The following STRN variants were observed in gnomAD, a reference collection of about 807,000 sequenced individuals.
The protein encoded by STRN is striatin.
In STRN, 53 loss-of-function variants were observed where a neutral mutation model predicts 96.3. The ratio of observed to expected loss-of-function variants is 0.55; its 90% confidence interval spans 0.44 to 0.69. The LOEUF is 0.69. STRN is among the 30% of genes least tolerant of loss of function. The pLI is 0.00. For synonymous variants in STRN, 428 were observed against 355.9 expected, an observed-to-expected ratio of 1.20 and a Z score of -2.28; for missense variants, 987 against 963.9, an observed-to-expected ratio of 1.02 and a Z score of -0.32.
chr2:36,893,241 A>G (rs1669447484), intron 7 of STRN, among the ~76,000 whole-genome samples: 1 of 152,174 alleles, frequency 6.6e-6, no homozygotes, highest in Non-Finnish European at 1.5e-5. Context: ...ATTTCTTTAT[A>G]TATGTTACAG....
In STRN at chr2:36,966,518, C is replaced by T. The variant is rs1665171009; in HGVS notation, c.-55G>A. On this transcript the variant is annotated 5_prime_UTR_variant, in exon 1 of 18. Transcript: ENST00000263918. Reference sequence around the variant, plus strand: ...CGGCGCCCAGCAGCGGAGGCAACAGCGGCGGCAAGCAGCGCCTCCTCCTCC... The same window carrying T: ...CGGCGCCCAGCAGCGGAGGCAACAGTGGCGGCAAGCAGCGCCTCCTCCTCC... 2 of 1,309,776 alleles carry T rather than the reference C, an allele frequency of 1.5e-6. No homozygotes were observed. Among genetic ancestry groups the T allele is most frequent in the South Asian group, 1.7e-5 (1 of 60,014 alleles). The allele number at this position is 1,309,776 out of a possible 1,614,324, so 81.1% of individuals were successfully genotyped here. A position where few individuals can be genotyped will look rare whatever the true frequency, so the allele number is the denominator to read the frequency against.
intron 7 of STRN, among the ~76,000 whole-genome samples, chr2:36,888,858 A>T (rs937807379): frequency 8.6e-5 from 13 of 151,852 alleles, no homozygotes; most frequent in African/African-American, 2.4e-4. Flanking sequence ...TTTTTAAAAA[A>T]TTTTTTGTAG....
At position 36,837,919 on chromosome 2, in the gene STRN, A is replaced by G. The variant is rs997790081; in HGVS notation, c.*11537T>C. The stretch of plus-strand genomic sequence containing the variant: ...AAAATTTAAAAATGTATATAAAAGT[A>G]TAACTACGAATATTTGTGGTAGGCA... On this transcript the variant is annotated 3_prime_UTR_variant, in exon 18 of 18. Transcript: ENST00000263918. Among the ~76,000 whole-genome samples, 1 of 152,254 alleles carries G rather than the reference A, an allele frequency of 6.6e-6. No individual in the cohort carries two copies. Among genetic ancestry groups the G allele is most frequent in the Non-Finnish European group, 1.5e-5 (1 of 68,048 alleles).
chr2:36,880,207 A>T (rs1414592866), intron 9 of STRN, among the ~76,000 whole-genome samples: 1 of 152,192 alleles, frequency 6.6e-6, no homozygotes, highest in Non-Finnish European at 1.5e-5. Flanking sequence ...ACCTCAAGCG[A>T]TCTCCCTGCC....
At chr2:36,867,954 T>C (rs2148147699) in intron 11 of STRN, 93 bp from the exon 12 acceptor site, 1 of 981,650 alleles carries the variant, frequency 1.0e-6, no homozygotes, top group Non-Finnish European at 1.5e-6. Context: ...AATACAAACA[T>C]TATGGGAATA....
At chr2:36,898,447 A>T (rs532081049) in intron 6 of STRN, among the ~76,000 whole-genome samples, 12 of 152,248 alleles carry the variant, frequency 7.9e-5, no homozygotes, top group Non-Finnish European at 8.8e-5. Context: ...ACTATTGAAT[A>T]GTCGTGATGG....
rs568653351 is a variant in STRN, at chr2:36,857,704, A to G, written c.1837+152T>C. 4 of 617,652 alleles carry G rather than the reference A, an allele frequency of 6.5e-6. No individual in the cohort carries two copies. The South Asian group carries it at 9.5e-5, about 15-fold the overall frequency. The allele number at this position is 617,652 out of a possible 1,614,324, so 38.3% of individuals were successfully genotyped here. A position where few individuals can be genotyped will look rare whatever the true frequency, so the allele number is the denominator to read the frequency against. ...AAAACAAAACAAAACAAAATTATATATAGGTTGGAAATTCAAACAAATACA... is the reference window on the plus strand; with the variant it reads ...AAAACAAAACAAAACAAAATTATATGTAGGTTGGAAATTCAAACAAATACA... On this transcript the variant is annotated intron_variant, in intron 14 of 17. Transcript: ENST00000263918.
intron 7 of STRN, 84 bp downstream of exon 7, chr2:36,893,814 T>C (rs1669466170): frequency 1.4e-6 from 2 of 1,465,646 alleles, no homozygotes; most frequent in South Asian, 1.4e-5. Flanking sequence ...TTCAACATTA[T>C]AGTTAAGATG....
intron 1 of STRN, among the ~76,000 whole-genome samples, chr2:36,932,953 C>T (rs1670610781): frequency 6.6e-6 from 1 of 152,070 alleles, no homozygotes; most frequent in South Asian, 2.1e-4. Flanking sequence ...CCTCAGAACT[C>T]GAATCAGTCA....
At chr2:36,897,540 A>T (rs1213552962) in intron 6 of STRN, among the ~76,000 whole-genome samples, 1 of 151,364 alleles carries the variant, frequency 6.6e-6, no homozygotes, top group African/African-American at 2.4e-5. Context: ...GGTTCACGCC[A>T]TTCTCCTGCC....
intron 1 of STRN, among the ~76,000 whole-genome samples, chr2:36,953,856 T>G (rs941453140): frequency 2.0e-5 from 3 of 152,120 alleles, no homozygotes; most frequent in African/African-American, 7.2e-5. Flanking sequence ...AATAATCAGA[T>G]GTAGTGGGTC....
At chr2:36,868,480 T>A (rs1001826603) in intron 11 of STRN, among the ~76,000 whole-genome samples, 20 of 152,340 alleles carry the variant, frequency 1.3e-4, no homozygotes, top group East Asian at 9.6e-4. Flanking sequence ...CACTATACCC[T>A]AATACTGGCT....
In STRN at chr2:36,846,196, C is replaced by T. The variant is rs1432160006; in HGVS notation, c.*3260G>A. 2.7e-5 allele frequency: 4 copies of T among 150,562 alleles called. No homozygotes were observed. The highest frequency in any genetic ancestry group is 7.3e-5 in the African/African-American group (3 of 40,900). 9.3% of individuals were successfully genotyped at this position (150,562 alleles called of 1,614,324 possible). On this transcript the variant is annotated 3_prime_UTR_variant, in exon 18 of 18. Coordinates refer to ENST00000263918, the MANE Select transcript of STRN (RefSeq NM_003162.4). ...GTTTTCTTACATTCAGATTTTAATACACTAGAATGACAGTCTTTAAAACAA... is the reference window on the plus strand; with the variant it reads ...GTTTTCTTACATTCAGATTTTAATATACTAGAATGACAGTCTTTAAAACAA...
chr2:36,848,688 T>G lies in STRN; in HGVS notation c.*768A>C, dbSNP rs1668142160. 1 of 152,158 alleles carries G rather than the reference T, an allele frequency of 6.6e-6. No individual in the cohort carries two copies. Among genetic ancestry groups the G allele is most frequent in the African/African-American group, 2.4e-5 (1 of 41,442 alleles). The allele number at this position is 152,158 out of a possible 1,614,324, so 9.4% of individuals were successfully genotyped here. On this transcript the variant is annotated 3_prime_UTR_variant, in exon 18 of 18. Coordinates refer to ENST00000263918, the MANE Select transcript of STRN (RefSeq NM_003162.4). The stretch of plus-strand genomic sequence containing the variant: ...AAACAGAATTTCAAACCTGAATAAG[T>G]TAAATCTGTTAGTAAAAGCAGAGTC...
intron 15 of STRN, 114 bp downstream of exon 15, chr2:36,855,098 T>C: frequency 1.8e-6 from 2 of 1,103,834 alleles, no homozygotes; most frequent in South Asian, 1.7e-5. Flanking sequence ...GTTCTGAAAG[T>C]TAAGAGACAG....
intron 1 of STRN, among the ~76,000 whole-genome samples, chr2:36,928,144 G>T (rs748816994): frequency 6.6e-6 from 1 of 151,658 alleles, no homozygotes; most frequent in Admixed American, 6.6e-5. Flanking sequence ...AAAAAAAAAC[G>T]AATTCCTTCT....
chr2:36,865,199 T>C (rs925040930), intron 12 of STRN, among the ~76,000 whole-genome samples: 10 of 152,378 alleles, frequency 6.6e-5, no homozygotes, highest in Admixed American at 6.5e-4. Context: ...CTTCCTGGTT[T>C]AGTCTTGGGA....
intron 1 of STRN, among the ~76,000 whole-genome samples, chr2:36,936,497 C>G (rs1369938466): frequency 6.6e-6 from 1 of 152,128 alleles, no homozygotes; most frequent in African/African-American, 2.4e-5. Context: ...AACACGTAAT[C>G]TGATTTAACT....
intron 10 of STRN, among the ~76,000 whole-genome samples, chr2:36,876,868 C>A (rs1283632818): frequency 6.6e-6 from 1 of 152,072 alleles, no homozygotes; most frequent in South Asian, 2.1e-4. Context: ...CTGCCTCAGC[C>A]TCCCGAGTAG....
Sources: gnomAD v4.1 joint callset for allele counts (sites outside exome capture counted in the v4.1 genomes callset) on GRCh38, gnomAD v4.1.1 for gene constraint, MANE v1.5 for transcripts, NCBI Gene and HGNC (gene_info 2026-07-23, HGNC 2026-07-21) for gene names.